Variants in LRRTM3 observed in about 807,000 individuals in gnomAD.
LRRTM3 encodes the protein leucine rich repeat transmembrane neuronal 3, also known as leucine-rich repeat transmembrane neuronal protein 3.
A neutral mutation model predicts 44.7 loss-of-function variants in LRRTM3; 24 were observed. That is an observed-to-expected ratio of 0.54 (90% CI 0.39 to 0.76). LRRTM3 has a LOEUF of 0.76. LRRTM3 is among the 30% of genes least tolerant of loss of function. The pLI is 0.00. For missense variants in LRRTM3, 587 were observed against 702.2 expected (o/e 0.84, Z 1.85); for synonymous variants, 277 against 278.7 (o/e 0.99, Z 0.06).
At chr10:66,930,066 A>G (rs1589439825) in intron 2 of LRRTM3, among the ~76,000 whole-genome samples, 1 of 151,828 alleles carries the variant, frequency 6.6e-6, no homozygotes, top group South Asian at 2.1e-4. Flanking sequence ...ATTTTTTTTT[A>G]TTGTTTGGGG....
intron 2 of LRRTM3, among the ~76,000 whole-genome samples, chr10:67,004,374 A>C (rs1220969144): frequency 6.6e-6 from 1 of 152,236 alleles, no homozygotes; most frequent in East Asian, 1.9e-4. Flanking sequence ...AATGATGAGG[A>C]TGAGAAAAGG....
At chr10:66,992,555 C>A (rs1851099120) in intron 2 of LRRTM3, among the ~76,000 whole-genome samples, 1 of 151,716 alleles carries the variant, frequency 6.6e-6, no homozygotes, top group Non-Finnish European at 1.5e-5. Flanking sequence ...TTAATGGCAA[C>A]AGAAATTTAA....
chr10:67,021,498 C>A (rs1853012629), intron 2 of LRRTM3, among the ~76,000 whole-genome samples: 2 of 151,684 alleles, frequency 1.3e-5, no homozygotes, highest in Non-Finnish European at 2.9e-5. Flanking sequence ...ACAGTAAAAA[C>A]ATTAAAAAAT....
chr10:67,000,823 T>C (rs1564823024), intron 2 of LRRTM3, among the ~76,000 whole-genome samples: 1 of 152,146 alleles, frequency 6.6e-6, no homozygotes, highest in Non-Finnish European at 1.5e-5. Context: ...TGCAATTCTG[T>C]AAAAGCTAAG....
chr10:67,101,548 C>T lies in LRRTM3; in HGVS notation c.*3752C>T, dbSNP rs536892017. 1.2e-4 allele frequency among the ~76,000 whole-genome samples: 18 copies of T among 151,704 alleles called. No individual in the cohort carries two copies. In the East Asian group the frequency reaches 1.7e-3, roughly 15 times the overall value. On this transcript the variant is annotated 3_prime_UTR_variant, in exon 3 of 3. Transcript: ENST00000361320. ...GCAAATAATATATTTTACTGATCAACTCATTTTTGTCAAGTCTCTATTTCT... is the reference window on the plus strand; with the variant it reads ...GCAAATAATATATTTTACTGATCAATTCATTTTTGTCAAGTCTCTATTTCT...
At chr10:67,090,257 G>A (rs1241276847) in intron 2 of LRRTM3, among the ~76,000 whole-genome samples, 1 of 152,094 alleles carries the variant, frequency 6.6e-6, no homozygotes, top group Non-Finnish European at 1.5e-5. Flanking sequence ...AAGAAGCAGA[G>A]AACTCTGATT....
chr10:67,007,281 A>C (rs1457359707), intron 2 of LRRTM3, among the ~76,000 whole-genome samples: 1 of 152,194 alleles, frequency 6.6e-6, no homozygotes, highest in Non-Finnish European at 1.5e-5. Flanking sequence ...CAAGGAATTA[A>C]CAAATTGGCT....
At chr10:67,061,489 C>G (rs1323078231) in intron 2 of LRRTM3, among the ~76,000 whole-genome samples, 1 of 152,180 alleles carries the variant, frequency 6.6e-6, no homozygotes, top group Non-Finnish European at 1.5e-5. Context: ...TTTGGCTCTT[C>G]TTATCTCTGT....
At chr10:66,958,308 CAA>C (rs35076056) in intron 2 of LRRTM3, among the ~76,000 whole-genome samples, 2,304 of 86,652 alleles carry the variant, frequency 0.027, 36 homozygotes, top group African/African-American at 0.081. Context: ...TGCTTTCTTG[CAA>C]AAAAAAAAAA....
chr10:66,994,317 T>G (rs1851208264), intron 2 of LRRTM3, among the ~76,000 whole-genome samples: 1 of 152,218 alleles, frequency 6.6e-6, no homozygotes. Flanking sequence ...TGCCTGGCCT[T>G]TGCTAATCAC....
chr10:67,054,534 C>T (rs1274945517), intron 2 of LRRTM3: 1 of 152,146 alleles, frequency 6.6e-6, no homozygotes, highest in East Asian at 1.9e-4. Flanking sequence ...AAAGTAAATG[C>T]TTGGCTATTA....
At chr10:66,958,085 C>T (rs1332665427) in intron 2 of LRRTM3, among the ~76,000 whole-genome samples, 1 of 152,074 alleles carries the variant, frequency 6.6e-6, no homozygotes, top group Non-Finnish European at 1.5e-5. Context: ...TTCATCCTTG[C>T]TGGCCTTCAG....
intron 2 of LRRTM3, among the ~76,000 whole-genome samples, chr10:67,087,717 C>T (rs1389820378): frequency 6.6e-6 from 1 of 151,940 alleles, no homozygotes; most frequent in Non-Finnish European, 1.5e-5. Context: ...TGGCCTGGAT[C>T]CTTACATAAT....
chr10:67,039,751 T>C (rs1248892385), intron 2 of LRRTM3, among the ~76,000 whole-genome samples: 1 of 152,128 alleles, frequency 6.6e-6, no homozygotes, highest in Admixed American at 6.5e-5. Flanking sequence ...AACAAGCAAG[T>C]AGATTGTTTA....
intron 2 of LRRTM3, among the ~76,000 whole-genome samples, chr10:67,076,307 T>G (rs1856745484): frequency 6.6e-6 from 1 of 152,254 alleles, no homozygotes; most frequent in Non-Finnish European, 1.5e-5. Flanking sequence ...GAGATCATGT[T>G]ACTTCAGTCC....
chr10:66,969,464 A>G (rs1199237758), intron 2 of LRRTM3, among the ~76,000 whole-genome samples: 1 of 152,160 alleles, frequency 6.6e-6, no homozygotes, highest in Non-Finnish European at 1.5e-5. Context: ...AGAAAATTTT[A>G]AGCAGCTTTA....
rs149078611 is a variant in LRRTM3, at chr10:66,943,838, A to G, written c.1536+15386A>G. ...CTATGTTTATGCTGTACTGTAGTCT[A>G]TTAAGTGTGCAGTAGCACTATGTCA... On this transcript the variant is annotated intron_variant, in intron 2 of 2. Transcript: ENST00000361320. 1.1e-3 allele frequency among the ~76,000 whole-genome samples: 168 copies of G among 152,324 alleles called. 1 individual carries two copies. The highest frequency in any genetic ancestry group is 4.0e-3 in the African/African-American group (165 of 41,582).
chr10:67,005,688 T>TTTTTTTGTTTGTTTG (rs1851937717), intron 2 of LRRTM3, among the ~76,000 whole-genome samples: 1 of 98,896 alleles, frequency 1.0e-5, no homozygotes, highest in African/African-American at 3.5e-5. Flanking sequence ...CCATCTTTTT[T>TTTTTTTGTTTGTTTG]TTTTTTTTTT....
chr10:67,049,008 C>A (rs188280511), intron 2 of LRRTM3, among the ~76,000 whole-genome samples: 1 of 140,376 alleles, frequency 7.1e-6, no homozygotes, highest in African/African-American at 2.6e-5. Flanking sequence ...TATTTTATAG[C>A]AAAAATTTAT....
Sources: allele counts gnomAD v4.1 joint callset (sites outside exome capture counted in the v4.1 genomes callset), GRCh38; gene constraint gnomAD v4.1.1; transcripts MANE v1.5; gene names NCBI Gene and HGNC (gene_info 2026-07-23, HGNC 2026-07-21).